PTPRZ1: variants seen among roughly 807,000 people sequenced by gnomAD.
PTPRZ1 encodes the protein protein tyrosine phosphatase receptor type Z1, also known as receptor-type tyrosine-protein phosphatase zeta.
In PTPRZ1, 82 loss-of-function variants were observed where a neutral mutation model predicts 214.1. The observed-to-expected ratio is 0.38, with a 90% confidence interval of 0.32 to 0.46. PTPRZ1 has a LOEUF of 0.46. PTPRZ1 is among the 20% of genes least tolerant of loss of function. The pLI is 1.00. For missense variants in PTPRZ1, 2,603 were observed against 2,748.7 expected, an observed-to-expected ratio of 0.95 and a Z score of 1.19; for synonymous variants, 945 against 987.9, an observed-to-expected ratio of 0.96 and a Z score of 0.81.
At chr7:122,001,954 A>G (rs971648244) in intron 10 of PTPRZ1, among the ~76,000 whole-genome samples, 1 of 152,144 alleles carries the variant, frequency 6.6e-6, no homozygotes, top group Non-Finnish European at 1.5e-5. Flanking sequence ...ACTATTTAAT[A>G]TATTGGTAGT....
intron 8 of PTPRZ1, among the ~76,000 whole-genome samples, 197 bp downstream of exon 8, chr7:121,984,314 C>T (rs1230351054): frequency 6.6e-6 from 1 of 152,156 alleles, no homozygotes; most frequent in Non-Finnish European, 1.5e-5. Flanking sequence ...AAAATCTATT[C>T]TTCCCATAAG....
chr7:121,978,701 A>G (rs995206953), intron 6 of PTPRZ1, among the ~76,000 whole-genome samples: 1 of 152,170 alleles, frequency 6.6e-6, no homozygotes, highest in African/African-American at 2.4e-5. Context: ...GCTAAACCAT[A>G]TCACCACTAT....
intron 20 of PTPRZ1, among the ~76,000 whole-genome samples, chr7:122,040,343 T>A (rs1417017967): frequency 6.6e-6 from 1 of 152,182 alleles, no homozygotes; most frequent in Non-Finnish European, 1.5e-5. Flanking sequence ...GATTAGCAAA[T>A]CTTAAACCTG....
chr7:122,005,101 A>AT (rs1798445453), intron 11 of PTPRZ1, among the ~76,000 whole-genome samples: 1 of 151,914 alleles, frequency 6.6e-6, no homozygotes. Flanking sequence ...TTGTATATAT[A>AT]TTTTTTGCCC....
chr7:121,970,830 G>A (rs1379294251), intron 3 of PTPRZ1, among the ~76,000 whole-genome samples: 1 of 152,200 alleles, frequency 6.6e-6, no homozygotes, highest in East Asian at 1.9e-4. Context: ...GTCAATTTTG[G>A]CTTTTGTTAC....
chr7:122,009,303 T>G (rs1014598070), intron 11 of PTPRZ1, among the ~76,000 whole-genome samples: 11 of 152,090 alleles, frequency 7.2e-5, no homozygotes, highest in African/African-American at 2.4e-4. Flanking sequence ...AGATTCTTTC[T>G]ACTGATACTG....
rs1019528460 is a variant in PTPRZ1 at position 121,965,186 on chromosome 7, C to A, written c.125-2765C>A. Among the ~76,000 whole-genome samples the A allele has an allele frequency of 4.6e-5, 7 of 152,124 alleles. No homozygotes were observed. In the East Asian group the frequency reaches 1.2e-3, roughly 25 times the overall value. On this transcript the variant is annotated intron_variant, in intron 2 of 29. Transcript: ENST00000393386. ...TCACACAGTTTCTGTGGGTCAGGAG[C>A]TGAGGAGGAAGGGCTGCTTAGCTGG...
chr7:121,922,239 G>GTGTT (rs1795621941), intron 1 of PTPRZ1, among the ~76,000 whole-genome samples: 2 of 152,324 alleles, frequency 1.3e-5, no homozygotes, highest in South Asian at 4.1e-4. Context: ...ACCAGGTGAT[G>GTGTT]TGTTCATAGG....
rs768598322 is a variant in PTPRZ1, at chr7:122,012,191, G to A, written c.3145G>A (p.Gly1049Arg). 4 of 1,613,848 alleles carry A rather than the reference G, an allele frequency of 2.5e-6. No homozygotes were observed. The South Asian group carries it at 3.3e-5, about 13-fold the overall frequency. ...GCTTTCTAAAAGTGAAATAATATAT[G>A]GAAATGAGACTGAACTGCAAATTCC... ...KALSKSEIIY[G>R]NETELQIPSF... The change falls in exon 12 of 30, where the codon GGA (glycine) becomes AGA (arginine). Residue 1049 changes from glycine (G) to arginine (R), a missense_variant. Transcript: ENST00000393386.
Position 122,013,662 on chromosome 7 carries a change from C to T in PTPRZ1, c.4616C>T (p.Ala1539Val). ...ALLPLSPESKAWAVLTSDEES... is the reference protein window; with the variant it reads ...ALLPLSPESKVWAVLTSDEES... Reference sequence around the variant, plus strand: ...CTTCCTCTCAGCCCTGAATCTAAAGCATGGGCAGTTCTGACAAGTGATGAA... The same window carrying T: ...CTTCCTCTCAGCCCTGAATCTAAAGTATGGGCAGTTCTGACAAGTGATGAA... The change falls in exon 12 of 30, where the codon GCA becomes GTA. Residue 1539 changes from alanine to valine, a missense_variant. Ala to Val is a moderately conservative substitution (Grantham distance 64). Coordinates refer to ENST00000393386, the MANE Select transcript of PTPRZ1 (RefSeq NM_002851.3). The T allele has an allele frequency of 6.2e-7, 1 of 1,614,212 alleles. No individual in the cohort carries two copies. Among genetic ancestry groups the T allele is most frequent in the Non-Finnish European group, 8.5e-7 (1 of 1,180,020 alleles).
intron 15 of PTPRZ1, chr7:122,031,934 A>C (rs893833732): frequency 6.5e-6 from 1 of 153,792 alleles, no homozygotes; most frequent in Non-Finnish European, 1.4e-5. Context: ...AAATTACATA[A>C]AAATTCTTAA....
At chr7:122,035,353 C>T (rs1054212360) in intron 17 of PTPRZ1, among the ~76,000 whole-genome samples, 2 of 152,062 alleles carry the variant, frequency 1.3e-5, no homozygotes, top group South Asian at 2.1e-4. Context: ...TCCTGAACTG[C>T]GTCTATCCTG....
intron 2 of PTPRZ1, among the ~76,000 whole-genome samples, chr7:121,964,835 C>G (rs1243228654): frequency 6.6e-5 from 10 of 151,876 alleles, no homozygotes; most frequent in Non-Finnish European, 1.5e-4. Context: ...GAGAGTATTG[C>G]GGGAATAGGT....
At chr7:121,952,140 A>G (rs972369210) in intron 2 of PTPRZ1, among the ~76,000 whole-genome samples, 25 of 151,910 alleles carry the variant, frequency 1.6e-4, no homozygotes, top group Non-Finnish European at 2.6e-4. Context: ...TTGTATTTTT[A>G]GTAGAGACAG....
intron 6 of PTPRZ1, 94 bp from the exon 7 acceptor site, chr7:121,983,571 C>A: frequency 8.5e-7 from 1 of 1,182,770 alleles, no homozygotes; most frequent in Non-Finnish European, 1.2e-6. Context: ...TGATTAAATA[C>A]ATAACAAAGC....
intron 14 of PTPRZ1, among the ~76,000 whole-genome samples, chr7:122,030,230 T>C (rs1799332550): frequency 6.6e-6 from 1 of 152,026 alleles, no homozygotes; most frequent in South Asian, 2.1e-4. Context: ...CACCTGAATA[T>C]GCATGTTTTC....
At chr7:122,028,372 T>G in intron 13 of PTPRZ1, 180 bp from the exon 14 acceptor site, 1 of 481,444 alleles carries the variant, frequency 2.1e-6, no homozygotes, top group South Asian at 3.1e-5. Context: ...CTGAGATAAA[T>G]TTTATAATTT....
chr7:122,022,519 G>C (rs6949360), intron 13 of PTPRZ1, among the ~76,000 whole-genome samples: 11,074 of 152,230 alleles, frequency 0.073, 455 homozygotes, highest in Middle Eastern at 0.1. Context: ...GCTGAAAGAG[G>C]AGAACCTGAG....
At chr7:122,032,397 A>C (rs752575484) in intron 15 of PTPRZ1, among the ~76,000 whole-genome samples, 2 of 152,150 alleles carry the variant, frequency 1.3e-5, no homozygotes, top group Non-Finnish European at 2.9e-5. Context: ...GTTCCATTCA[A>C]ACCTAAGTCT....
Sources: gnomAD v4.1 joint callset for allele counts (sites outside exome capture counted in the v4.1 genomes callset) on GRCh38, gnomAD v4.1.1 for gene constraint, MANE v1.5 for transcripts, NCBI Gene and HGNC (gene_info 2026-07-23, HGNC 2026-07-21) for gene names.